TMEM17: variants seen among roughly 807,000 people sequenced by gnomAD.
TMEM17 encodes the protein transmembrane protein 17.
TMEM17 carries 15 observed loss-of-function variants against 19.1 expected under a neutral mutation model. The ratio of observed to expected loss-of-function variants is 0.78; its 90% CI spans 0.52 to 1.21. The LOEUF (loss-of-function observed/expected upper bound fraction) is 1.21, where lower values mean the gene tolerates loss of function less well. Ranked by LOEUF, TMEM17 falls within the 50% of genes most tolerant of loss-of-function variation. The pLI is 0.00. For synonymous variants in TMEM17, 103 were observed against 86.9 expected (o/e 1.19, Z -1.03); for missense variants, 245 against 242.3 (o/e 1.01, Z -0.07).
the TMEM17 span, among the ~76,000 whole-genome samples, chr2:62,481,701 GT>G: frequency 1.2e-5 from 1 of 85,828 alleles, no homozygotes; most frequent in African/African-American, 4.5e-5. Context: ...CCTTAAAGGT[GT>G]GTGTGTGTGT....
At chr2:62,478,494 C>T in the TMEM17 span, among the ~76,000 whole-genome samples, 1 of 152,222 alleles carries the variant, frequency 6.6e-6, no homozygotes. Context: ...ATCCTGCACA[C>T]GTGGATGTGA....
chr2:62,457,408 G>A, the TMEM17 span, among the ~76,000 whole-genome samples: 1 of 152,216 alleles, frequency 6.6e-6, no homozygotes, highest in Non-Finnish European at 1.5e-5. This position sits in a 1 kb window ranked among gnomAD's most constrained non-coding sequence, Gnocchi z 4.2. Flanking sequence ...GGTGCGGCGG[G>A]AAGGCCCCGG....
chr2:62,457,019 A>T, the TMEM17 span, among the ~76,000 whole-genome samples: 1 of 151,004 alleles, frequency 6.6e-6, no homozygotes, highest in Non-Finnish European at 1.5e-5. The surrounding 1 kb of genome is among the most constrained non-coding windows in gnomAD (Gnocchi z 4.2). Context: ...CTGCCCTGAG[A>T]GCTCAGCCCC....
At chr2:62,477,448 G>A in the TMEM17 span, among the ~76,000 whole-genome samples, 1 of 152,152 alleles carries the variant, frequency 6.6e-6, no homozygotes, top group Non-Finnish European at 1.5e-5. Context: ...TCAACCAGAA[G>A]AGGCATTCAT....
chr2:62,467,380 G>T, the TMEM17 span, among the ~76,000 whole-genome samples: 13 of 152,114 alleles, frequency 8.5e-5, no homozygotes, highest in Admixed American at 1.3e-4. Context: ...AAAGGAGAAA[G>T]GACTTGCGAA....
the TMEM17 span, among the ~76,000 whole-genome samples, chr2:62,461,662 C>A: frequency 6.6e-6 from 1 of 152,204 alleles, no homozygotes; most frequent in Non-Finnish European, 1.5e-5. Context: ...CGTCTATTAA[C>A]AAGGCATGTC....
At chr2:62,503,823 G>T (rs1274181085) in intron 1 of TMEM17, among the ~76,000 whole-genome samples, 1 of 152,202 alleles carries the variant, frequency 6.6e-6, no homozygotes, top group African/African-American at 2.4e-5. Context: ...ATTAATGAAA[G>T]TATACTGTCA....
the TMEM17 span, among the ~76,000 whole-genome samples, chr2:62,486,892 C>G: frequency 2.6e-5 from 4 of 152,108 alleles, no homozygotes; most frequent in Non-Finnish European, 5.9e-5. Flanking sequence ...TGCTGTCTTT[C>G]TCTTGTGGAT....
At chr2:62,489,608 A>T in the TMEM17 span, among the ~76,000 whole-genome samples, 1 of 152,146 alleles carries the variant, frequency 6.6e-6, no homozygotes, top group African/African-American at 2.4e-5. Flanking sequence ...ATTCCATTTT[A>T]TGCAATAAAG....
At chr2:62,488,493 GA>G in the TMEM17 span, among the ~76,000 whole-genome samples, 50,003 of 119,070 alleles carry the variant, frequency 0.42, 8,541 homozygotes, top group Middle Eastern at 0.55. Flanking sequence ...GATGAGTTTT[GA>G]AAAAAAAAAA....
At chr2:62,453,816 C>T in the TMEM17 span, among the ~76,000 whole-genome samples, 5 of 152,294 alleles carry the variant, frequency 3.3e-5, no homozygotes, top group South Asian at 1.0e-3. Flanking sequence ...GGTTTGCTTG[C>T]TTTTATTAGA....
chr2:62,488,598 T>A, the TMEM17 span, among the ~76,000 whole-genome samples: 1 of 151,596 alleles, frequency 6.6e-6, no homozygotes, highest in South Asian at 2.1e-4. Context: ...TCCAAACATA[T>A]AGGACCCAAC....
the TMEM17 span, among the ~76,000 whole-genome samples, chr2:62,493,850 C>T: frequency 2.0e-5 from 3 of 152,138 alleles, no homozygotes; most frequent in Non-Finnish European, 2.9e-5. Context: ...TAACTTCCGA[C>T]GCCAGTCTTT....
At chr2:62,454,794 C>G in the TMEM17 span, among the ~76,000 whole-genome samples, 1 of 152,198 alleles carries the variant, frequency 6.6e-6, no homozygotes, top group Non-Finnish European at 1.5e-5. Flanking sequence ...AGCTCCGCCT[C>G]CTGGGTTCAC....
chr2:62,465,291 A>T, the TMEM17 span, among the ~76,000 whole-genome samples: 1 of 152,226 alleles, frequency 6.6e-6, no homozygotes, highest in African/African-American at 2.4e-5. Flanking sequence ...TTTCATAATC[A>T]TGAGAAAAAC....
At chr2:62,479,645 G>C in the TMEM17 span, among the ~76,000 whole-genome samples, 1 of 152,104 alleles carries the variant, frequency 6.6e-6, no homozygotes, top group East Asian at 1.9e-4. Context: ...CTGCAGTTTG[G>C]GAGGCCGAGG....
At chr2:62,456,375 A>G in the TMEM17 span, among the ~76,000 whole-genome samples, 1 of 152,212 alleles carries the variant, frequency 6.6e-6, no homozygotes, top group Non-Finnish European at 1.5e-5. Flanking sequence ...CCCATCTTCA[A>G]AGCCAGCAGC....
intron 1 of TMEM17, among the ~76,000 whole-genome samples, 181 bp downstream of exon 1, chr2:62,505,849 G>A (rs889606889): frequency 1.3e-5 from 2 of 152,248 alleles, no homozygotes; most frequent in East Asian, 1.9e-4. Flanking sequence ...GGGGGCGGGA[G>A]GCCGCCAGCG....
the TMEM17 span, among the ~76,000 whole-genome samples, chr2:62,454,574 T>C: frequency 6.6e-6 from 1 of 152,212 alleles, no homozygotes; most frequent in Non-Finnish European, 1.5e-5. Context: ...CATCATACTG[T>C]AGGTTTTGAA....
Sources: gnomAD v4.1 joint callset for allele counts (sites outside exome capture counted in the v4.1 genomes callset) on GRCh38, gnomAD v4.1.1 for gene constraint, Gnocchi (gnomAD v3.1) non-coding constraint, MANE v1.5 for transcripts, NCBI Gene and HGNC (gene_info 2026-07-23, HGNC 2026-07-21) for gene names.